Variants in BCAP29 observed in about 807,000 individuals in gnomAD.
BCAP29 encodes the protein B-cell receptor-associated protein 29.
A neutral mutation model predicts 31.8 loss-of-function variants in BCAP29; 34 were observed. The ratio of observed to expected loss-of-function variants is 1.07; its 90% confidence interval spans 0.81 to 1.42. The LOEUF (loss-of-function observed/expected upper bound fraction) is 1.42, where lower values mean the gene tolerates loss of function less well. Among genes scored for constraint, BCAP29 ranks in the 40% most tolerant of loss-of-function variants. The pLI, the probability that BCAP29 is intolerant of heterozygous loss-of-function variation, is 0.00. For missense variants in BCAP29, 314 were observed against 269.2 expected, an observed-to-expected ratio of 1.17 and a Z score of -1.16; for synonymous variants, 104 against 91.3, an observed-to-expected ratio of 1.14 and a Z score of -0.79.
intron 6 of BCAP29, among the ~76,000 whole-genome samples, chr7:107,609,762 A>G (rs545978561): frequency 2.6e-5 from 4 of 152,366 alleles, no homozygotes; most frequent in East Asian, 3.9e-4. Context: ...GGAGTAGTAC[A>G]TGTGAGGATT....
chr7:107,621,539 A>G (rs963625068), downstream of BCAP29: 1 of 367,964 alleles, frequency 2.7e-6, no homozygotes, highest in African/African-American at 2.1e-5. Context: ...TCTATAGCAA[A>G]AGATATGATT....
chr7:107,594,793 C>T (rs981637650), intron 4 of BCAP29, among the ~76,000 whole-genome samples: 28 of 152,142 alleles, frequency 1.8e-4, no homozygotes, highest in African/African-American at 4.6e-4. Flanking sequence ...TGAGCCAACG[C>T]GCCCGGCCTG....
chr7:107,603,125 A>G (rs1402799915), intron 6 of BCAP29, among the ~76,000 whole-genome samples: 1 of 151,870 alleles, frequency 6.6e-6, no homozygotes, highest in East Asian at 1.9e-4. Context: ...GCCTGCCGCC[A>G]CGCCTGGCTA....
chr7:107,591,656 A>ACACACACACACACACACACACACACC, intron 3 of BCAP29, among the ~76,000 whole-genome samples: 3,098 of 136,078 alleles, frequency 0.023, 105 homozygotes, highest in South Asian at 0.039. Flanking sequence ...ACACACACAC[A>ACACACACACACACACACACACACACC]CCCTATTGGT....
chr7:107,617,714 A>G lies in BCAP29; in HGVS notation c.691-614A>G, dbSNP rs142061406. ...AAAAGTTAATGTTATTAAAGTTGCT[A>G]TGGAAGCATTAATGTTCAGCCTGAA... On this transcript the variant is annotated intron_variant, in intron 7 of 7. Transcript: ENST00000005259. Among the ~76,000 whole-genome samples the G allele has an allele frequency of 9.2e-5, 14 of 152,336 alleles. No individual in the cohort carries two copies. The East Asian group carries it at 2.3e-3, about 25-fold the overall frequency.
chr7:107,584,156 A>G (rs941773202), intron 3 of BCAP29, among the ~76,000 whole-genome samples, 174 bp downstream of exon 3: 5 of 152,234 alleles, frequency 3.3e-5, no homozygotes, highest in Admixed American at 6.5e-5. Context: ...ACCATTCTGT[A>G]TGTTCAAGCT....
At position 107,620,017 on chromosome 7, in the gene BCAP29, CA is replaced by C. The variant is rs1191381745; in HGVS notation, c.*1657del. 6.6e-6 allele frequency: 1 copy of C among 152,152 alleles called. No homozygotes were observed. Among genetic ancestry groups the C allele is most frequent in the Non-Finnish European group, 1.5e-5 (1 of 68,030 alleles). The allele number at this position is 152,152 out of a possible 1,614,324, so 9.4% of individuals were successfully genotyped here. A position where few individuals can be genotyped will look rare whatever the true frequency, so the allele number is the denominator to read the frequency against. ...TAAACTAAGATAATACAGTGATTCT[CA>C]AAGTTGTTCAGACTGTATAGTAAGG... On this transcript the variant is annotated 3_prime_UTR_variant, in exon 8 of 8. Coordinates refer to ENST00000005259, the MANE Select transcript of BCAP29 (RefSeq NM_018844.4).
intron 3 of BCAP29, among the ~76,000 whole-genome samples, chr7:107,588,991 T>A (rs1808222477): frequency 6.6e-6 from 1 of 152,148 alleles, no homozygotes; most frequent in Non-Finnish European, 1.5e-5. Context: ...AGGGGCTTGG[T>A]AAAGACCTTG....
chr7:107,607,635 C>CTTTTTTTTTTTTTTTT (rs57817003), intron 6 of BCAP29, among the ~76,000 whole-genome samples: 1 of 132,640 alleles, frequency 7.5e-6, no homozygotes, highest in Non-Finnish European at 1.6e-5. Context: ...CTTTCTTTTT[C>CTTTTTTTTTTTTTTTT]TTTTTTTTTT....
intron 6 of BCAP29, among the ~76,000 whole-genome samples, chr7:107,602,996 A>G (rs1205803213): frequency 8.6e-6 from 1 of 116,770 alleles, no homozygotes; most frequent in African/African-American, 3.4e-5. Context: ...TTTGAGATGA[A>G]GTCTCACTCT....
intron 7 of BCAP29, chr7:107,615,475 A>G (rs1813951252): frequency 2.8e-6 from 1 of 359,562 alleles, no homozygotes; most frequent in Admixed American, 3.4e-5. Flanking sequence ...AAGTGCCTGT[A>G]ATCCCAGCTA....
chr7:107,586,415 G>A (rs762030153), intron 3 of BCAP29, among the ~76,000 whole-genome samples: 57 of 152,186 alleles, frequency 3.7e-4, no homozygotes, highest in Admixed American at 2.2e-3. Flanking sequence ...TGCATCTTTG[G>A]GTAAACAGGG....
Position 107,613,446 on chromosome 7 carries a change from G to A in BCAP29, c.690+14G>A, listed in dbSNP as rs1813588768. Reference sequence around the variant, plus strand: ...TCTGAACTTCAGGTGGGTGTGACATGCACTTTATGCACCTAAATGTTTTGA... The same window carrying A: ...TCTGAACTTCAGGTGGGTGTGACATACACTTTATGCACCTAAATGTTTTGA... On this transcript the variant is annotated intron_variant, in intron 7 of 7. Transcript: ENST00000005259. 1 of 1,542,750 alleles carries A rather than the reference G, an allele frequency of 6.5e-7. No homozygotes were observed. The highest frequency in any genetic ancestry group is 2.2e-5 in the East Asian group (1 of 44,508).
chr7:107,617,469 T>C (rs577184732), intron 7 of BCAP29, among the ~76,000 whole-genome samples: 124 of 152,124 alleles, frequency 8.2e-4, no homozygotes, highest in African/African-American at 2.9e-3. Flanking sequence ...CTGCCTCTCT[T>C]CTAAAAAAAA....
intron 7 of BCAP29, 92 bp from the exon 8 acceptor site, chr7:107,618,236 T>C (rs1814540271): frequency 1.1e-6 from 1 of 888,608 alleles, no homozygotes; most frequent in Non-Finnish European, 1.7e-6. Flanking sequence ...TAAGTATACA[T>C]AGAAGAGAGA....
In BCAP29 at chr7:107,583,912, G is replaced by C; in HGVS notation, c.123G>C (p.Trp41Cys). 6.3e-7 allele frequency: 1 copy of C among 1,580,038 alleles called. No individual in the cohort carries two copies. Among genetic ancestry groups the C allele is most frequent in the Non-Finnish European group, 8.6e-7 (1 of 1,161,704 alleles). ...AGAAGATTTTTTCATTTAATGTCTGGGGTAAAATTGCAACTTTTTGGAACA... is the reference window on the plus strand; with the variant it reads ...AGAAGATTTTTTCATTTAATGTCTGCGGTAAAATTGCAACTTTTTGGAACA... ...RWQKIFSFNV[W>C]GKIATFWNKA... The change falls in exon 3 of 8, where the codon TGG becomes TGC. Residue 41 changes from tryptophan to cysteine, a missense_variant. Transcript: ENST00000005259.
chr7:107,594,139 A>G, intron 4 of BCAP29, 34 bp downstream of exon 4: 1 of 1,553,216 alleles, frequency 6.4e-7, no homozygotes, highest in South Asian at 1.1e-5. Flanking sequence ...GCACAATTTA[A>G]AAACATGACT....
chr7:107,598,710 T>TCC (rs59871171), intron 5 of BCAP29, among the ~76,000 whole-genome samples: 1 of 151,310 alleles, frequency 6.6e-6, no homozygotes, highest in East Asian at 1.9e-4. Flanking sequence ...GAAATTCCTC[T>TCC]TATGTTAGTC....
At chr7:107,610,033 C>G (rs78116492) in intron 6 of BCAP29, among the ~76,000 whole-genome samples, 1 of 152,144 alleles carries the variant, frequency 6.6e-6, no homozygotes, top group Non-Finnish European at 1.5e-5. Flanking sequence ...TACATTTACA[C>G]GGTACATTAG....
Sources: allele counts gnomAD v4.1 joint callset (sites outside exome capture counted in the v4.1 genomes callset), GRCh38; gene constraint gnomAD v4.1.1; transcripts MANE v1.5; gene names NCBI Gene and HGNC (gene_info 2026-07-23, HGNC 2026-07-21).